PPFIBP2: variants seen among roughly 807,000 people sequenced by gnomAD.
The protein encoded by PPFIBP2 is PPFIB scaffold protein 2.
A neutral mutation model predicts 118.3 loss-of-function variants in PPFIBP2; 118 were observed. The ratio of observed to expected loss-of-function variants is 1.00; its 90% CI spans 0.86 to 1.16. The LOEUF (loss-of-function observed/expected upper bound fraction) is 1.16, where lower values mean the gene tolerates loss of function less well. Among genes scored for constraint, PPFIBP2 ranks in the 50% most tolerant of loss-of-function variants. PPFIBP2 has a pLI of 0.00. For missense variants in PPFIBP2, 1,195 were observed against 1,073.1 expected (o/e 1.11, Z -1.59); for synonymous variants, 414 against 397.4 (o/e 1.04, Z -0.50).
At chr11:7,520,087 T>G (rs1259951596) in intron 1 of PPFIBP2, among the ~76,000 whole-genome samples, 1 of 152,132 alleles carries the variant, frequency 6.6e-6, no homozygotes, top group Non-Finnish European at 1.5e-5. Flanking sequence ...TTGTATTGGT[T>G]CAAACCCTGA....
intron 1 of PPFIBP2, among the ~76,000 whole-genome samples, chr11:7,534,061 G>A (rs1180595327): frequency 6.6e-6 from 1 of 152,216 alleles, no homozygotes; most frequent in African/African-American, 2.4e-5. Context: ...CTAAACTGTG[G>A]TGAGGTGAGA....
At chr11:7,620,723 A>C (rs117215683) in intron 6 of PPFIBP2, among the ~76,000 whole-genome samples, 1,896 of 152,292 alleles carry the variant, frequency 0.012, 9 homozygotes, top group Middle Eastern at 0.037. Flanking sequence ...CTAAAAGGAA[A>C]GTTTTCACTT....
intron 6 of PPFIBP2, among the ~76,000 whole-genome samples, chr11:7,614,835 A>G (rs555820622): frequency 4.6e-5 from 7 of 152,372 alleles, no homozygotes; most frequent in Middle Eastern, 3.4e-3. Flanking sequence ...ATAGAAAAGA[A>G]CCATAAAGAA....
chr11:7,585,037 A>G (rs1172192007), intron 3 of PPFIBP2, among the ~76,000 whole-genome samples: 1 of 152,244 alleles, frequency 6.6e-6, no homozygotes, highest in Non-Finnish European at 1.5e-5. Context: ...AGGCTTATCC[A>G]GGACAAGGCT....
chr11:7,595,047 G>A (rs1438166256), intron 4 of PPFIBP2, among the ~76,000 whole-genome samples: 1 of 152,044 alleles, frequency 6.6e-6, no homozygotes, highest in Admixed American at 6.6e-5. Context: ...GTAAAAGGAA[G>A]ATCTCCTTTA....
Position 7,640,565 on chromosome 11 carries a change from G to A in PPFIBP2, c.1375+695G>A, listed in dbSNP as rs182778480. On this transcript the variant is annotated intron_variant, in intron 15 of 23. Coordinates refer to ENST00000299492, the MANE Select transcript of PPFIBP2 (RefSeq NM_003621.5). ...CTCCTCAGCCTCAGCTCTTCCCTGA[G>A]CTGGCCCATGCATTGGCCTAGTGAA... Among the ~76,000 whole-genome samples, 399 of 152,352 alleles carry A rather than the reference G, an allele frequency of 2.6e-3. 2 individuals are homozygous for A. Among genetic ancestry groups the A allele is most frequent in the African/African-American group, 9.4e-3 (389 of 41,590 alleles).
the PPFIBP2 span, chr11:7,665,372 T>G: frequency 6.9e-7 from 1 of 1,447,282 alleles, no homozygotes. Flanking sequence ...CACGTGGAGG[T>G]GTTAGTAGGT....
downstream of PPFIBP2, among the ~76,000 whole-genome samples, chr11:7,659,876 T>C (rs1398373579): frequency 9.2e-4 from 105 of 114,464 alleles, 6 homozygotes; most frequent in African/African-American, 2.7e-3. Flanking sequence ...CCCTTGTAAG[T>C]TGGATTCCTA....
At chr11:7,573,854 G>A (rs2134853468) in intron 3 of PPFIBP2, 1 of 152,382 alleles carries the variant, frequency 6.6e-6, no homozygotes, top group South Asian at 2.1e-4. Context: ...AGCCCAGGAT[G>A]CCTGTAGGTG....
chr11:7,615,182 C>CA (rs1282208791), intron 6 of PPFIBP2, among the ~76,000 whole-genome samples: 7 of 151,882 alleles, frequency 4.6e-5, no homozygotes, highest in Non-Finnish European at 8.8e-5. Context: ...CTAAAACATA[C>CA]AAAAATTAGC....
chr11:7,626,456 T>G (rs1850023799), intron 8 of PPFIBP2, among the ~76,000 whole-genome samples: 1 of 152,226 alleles, frequency 6.6e-6, no homozygotes, highest in South Asian at 2.1e-4. Flanking sequence ...TCCTTCCTTT[T>G]TCCTGCCTAG....
chr11:7,554,703 A>G (rs1479181140), intron 2 of PPFIBP2, among the ~76,000 whole-genome samples: 2 of 152,164 alleles, frequency 1.3e-5, no homozygotes, highest in Non-Finnish European at 2.9e-5. Flanking sequence ...TAAATGCAAA[A>G]AGAAATGCCT....
chr11:7,607,774 C>T (rs905677571), intron 5 of PPFIBP2, among the ~76,000 whole-genome samples: 1 of 152,134 alleles, frequency 6.6e-6, no homozygotes, highest in Non-Finnish European at 1.5e-5. Flanking sequence ...TATAGTCCAT[C>T]TCTAGCTGTT....
rs1851209150 is a variant in PPFIBP2, at chr11:7,634,568, T to C, written c.1194+16T>C. 2 of 1,605,444 alleles carry C rather than the reference T, an allele frequency of 1.2e-6. No individual in the cohort carries two copies. The highest frequency in any genetic ancestry group is 1.7e-6 in the Non-Finnish European group (2 of 1,172,050). On this transcript the variant is annotated intron_variant, in intron 13 of 23. Coordinates refer to ENST00000299492, the MANE Select transcript of PPFIBP2 (RefSeq NM_003621.5). ...TGTGGATAAGGTCGGCTCATCAACC[T>C]ATCCTTAAAGATGACTGAGTTACTT...
At chr11:7,640,329 C>G (rs938287509) in intron 15 of PPFIBP2, among the ~76,000 whole-genome samples, 1 of 152,204 alleles carries the variant, frequency 6.6e-6, no homozygotes, top group Admixed American at 6.5e-5. Context: ...GTATCATGCA[C>G]TCCAAGTGGG....
chr11:7,664,577 A>T, the PPFIBP2 span, among the ~76,000 whole-genome samples: 4 of 152,116 alleles, frequency 2.6e-5, no homozygotes, highest in Non-Finnish European at 5.9e-5. Flanking sequence ...GAGCAGCAAA[A>T]TCACCCTCAG....
At chr11:7,608,230 A>G (rs1847627767) in intron 5 of PPFIBP2, among the ~76,000 whole-genome samples, 3 of 152,192 alleles carry the variant, frequency 2.0e-5, no homozygotes, top group East Asian at 3.8e-4. Flanking sequence ...TTGATTGCCT[A>G]TTTTAGCATG....
chr11:7,582,213 C>G (rs1303528345), intron 3 of PPFIBP2, among the ~76,000 whole-genome samples: 1 of 152,244 alleles, frequency 6.6e-6, no homozygotes, highest in Non-Finnish European at 1.5e-5. Flanking sequence ...TCGATCAGAA[C>G]TGACAACCTC....
chr11:7,662,224 T>C, the PPFIBP2 span, among the ~76,000 whole-genome samples: 1 of 152,166 alleles, frequency 6.6e-6, no homozygotes, highest in Admixed American at 6.5e-5. Flanking sequence ...CGTTAGTTGA[T>C]GCAGTTTCTT....
Sources: gnomAD v4.1 joint callset for allele counts (sites outside exome capture counted in the v4.1 genomes callset) on GRCh38, gnomAD v4.1.1 for gene constraint, MANE v1.5 for transcripts, NCBI Gene and HGNC (gene_info 2026-07-23, HGNC 2026-07-21) for gene names.